LCORL: variants seen among roughly 807,000 people sequenced by gnomAD.
The protein encoded by LCORL is ligand-dependent nuclear receptor corepressor-like protein.
In LCORL, 41 loss-of-function variants were observed where a neutral mutation model predicts 141.8. The ratio of observed to expected loss-of-function variants is 0.29; its 90% confidence interval spans 0.23 to 0.38. The LOEUF (loss-of-function observed/expected upper bound fraction) is 0.38, where lower values mean the gene tolerates loss of function less well. LCORL is among the 10% of genes least tolerant of loss of function. The pLI is 1.00. For missense variants in LCORL, 1,759 were observed against 2,035.0 expected, an observed-to-expected ratio of 0.86 and a Z score of 2.61; for synonymous variants, 618 against 694.1, an observed-to-expected ratio of 0.89 and a Z score of 1.72.
chr4:17,894,115 G>T (rs1010432649), intron 5 of LCORL, among the ~76,000 whole-genome samples: 3 of 151,962 alleles, frequency 2.0e-5, no homozygotes, highest in Non-Finnish European at 2.9e-5. Context: ...TCTAATTTAG[G>T]GCAGCACTTT....
chr4:18,019,884 C>T (rs191355937), intron 1 of LCORL, among the ~76,000 whole-genome samples: 35 of 152,270 alleles, frequency 2.3e-4, no homozygotes, highest in Non-Finnish European at 4.1e-4. Flanking sequence ...TCAAAAACAG[C>T]CCATTTTGTA....
At chr4:17,947,738 T>C (rs1424419537) in intron 4 of LCORL, among the ~76,000 whole-genome samples, 5 of 151,986 alleles carry the variant, frequency 3.3e-5, no homozygotes. Context: ...AACTCCAGTA[T>C]CACCATCTGT....
intron 4 of LCORL, among the ~76,000 whole-genome samples, chr4:17,950,327 A>G (rs1420543716): frequency 6.6e-6 from 1 of 152,182 alleles, no homozygotes; most frequent in Non-Finnish European, 1.5e-5. Flanking sequence ...ATGCTTATGT[A>G]TATCTCTTTC....
chr4:18,000,176 C>G lies in LCORL; in HGVS notation c.154+21422G>C, dbSNP rs1156906423. Among the ~76,000 whole-genome samples the G allele has an allele frequency of 3.7e-5, 5 of 135,884 alleles. No individual in the cohort carries two copies. In the South Asian group the frequency reaches 6.9e-4, roughly 19 times the overall value. The allele number at this position is 135,884 out of a possible 152,430, so 89.1% of individuals were successfully genotyped here. On this transcript the variant is annotated intron_variant, in intron 1 of 7. Coordinates refer to ENST00000635767, the Ensembl canonical transcript of LCORL. ...AGAGTGAATGTATTAAAAATTCATT[C>G]ACTCAACAAATATTTATGTATTTGG...
At chr4:17,877,102 T>A (rs1029818230) in exon 7 of LCORL, 1 of 1,230,770 alleles carries the variant, frequency 8.1e-7, no homozygotes, top group South Asian at 4.1e-5. Flanking sequence ...TCTCTTTTTA[T>A]CTGTAAAGAC....
At chr4:18,010,880 C>T (rs1235375781) in intron 1 of LCORL, among the ~76,000 whole-genome samples, 1 of 152,186 alleles carries the variant, frequency 6.6e-6, no homozygotes, top group African/African-American at 2.4e-5. Context: ...ATGATTGTTA[C>T]AATACCTTTC....
At chr4:17,864,512 T>G (rs901927065) in intron 7 of LCORL, among the ~76,000 whole-genome samples, 3 of 152,176 alleles carry the variant, frequency 2.0e-5, no homozygotes, top group Non-Finnish European at 4.4e-5. Context: ...AGCAACCACT[T>G]TTTAAAAAGC....
chr4:17,909,462 A>C (rs1471080277), intron 4 of LCORL, 117 bp from the exon 5 acceptor site: 1 of 606,748 alleles, frequency 1.6e-6, no homozygotes, highest in African/African-American at 1.9e-5. Flanking sequence ...TCAGTCCATA[A>C]CTCCCAATGT....
At chr4:17,870,363 G>A (rs1726199937) in intron 7 of LCORL, among the ~76,000 whole-genome samples, 1 of 152,118 alleles carries the variant, frequency 6.6e-6, no homozygotes, top group Admixed American at 6.6e-5. Flanking sequence ...GTTTGCAACT[G>A]CCTGAAAACA....
chr4:17,887,037 T>A (rs1036283588), intron 5 of LCORL, among the ~76,000 whole-genome samples: 1 of 152,074 alleles, frequency 6.6e-6, no homozygotes, highest in East Asian at 1.9e-4. Context: ...CTAATTCAAC[T>A]GGGCTTAAAA....
At chr4:17,951,620 A>T (rs1473931663) in intron 4 of LCORL, among the ~76,000 whole-genome samples, 1 of 152,158 alleles carries the variant, frequency 6.6e-6, no homozygotes, top group Non-Finnish European at 1.5e-5. Flanking sequence ...TCTCCATGGC[A>T]TTTATCTATA....
In LCORL at chr4:17,970,137, T is replaced by C. The variant is rs761829558; in HGVS notation, c.220+2683A>G. Reference sequence around the variant, plus strand: ...TCCTTAGAGATACTTTGTGTCTCAATAGAATGGAAAGTACCATAGTACGGT... The same window carrying C: ...TCCTTAGAGATACTTTGTGTCTCAACAGAATGGAAAGTACCATAGTACGGT... On this transcript the variant is annotated intron_variant, in intron 2 of 7. Coordinates refer to ENST00000635767, the Ensembl canonical transcript of LCORL. Among the ~76,000 whole-genome samples the C allele has an allele frequency of 3.9e-5, 6 of 152,266 alleles. No homozygotes were observed. The East Asian group carries it at 5.8e-4, about 15-fold the overall frequency.
chr4:17,911,727 C>T (rs1009032191), intron 4 of LCORL: 8 of 478,590 alleles, frequency 1.7e-5, no homozygotes, highest in East Asian at 1.1e-4. Context: ...TCCTGGACTC[C>T]GTCCAAGCGC....
exon 8 of LCORL, chr4:17,842,959 A>AT (rs1294282168): frequency 5.9e-6 from 1 of 169,748 alleles, no homozygotes; most frequent in Non-Finnish European, 1.3e-5. Flanking sequence ...AGAGAACTTA[A>AT]TTTTTTTGTC....
chr4:18,015,491 CAT>C (rs1724494195), intron 1 of LCORL, among the ~76,000 whole-genome samples: 1 of 152,160 alleles, frequency 6.6e-6, no homozygotes, highest in East Asian at 1.9e-4. Flanking sequence ...AGACTTGATA[CAT>C]GTCTTAACCA....
intron 1 of LCORL, among the ~76,000 whole-genome samples, chr4:17,980,849 T>C (rs1577624196): frequency 6.6e-6 from 1 of 152,128 alleles, no homozygotes; most frequent in African/African-American, 2.4e-5. Flanking sequence ...TTATCAACTG[T>C]ACTTGTGAGG....
intron 5 of LCORL, among the ~76,000 whole-genome samples, chr4:17,906,875 C>T (rs959685484): frequency 3.3e-5 from 5 of 151,898 alleles, no homozygotes; most frequent in East Asian, 1.9e-4. Flanking sequence ...TTAGTAGAGA[C>T]GGGGTTTCAC....
chr4:18,012,762 A>G (rs1462925168), intron 1 of LCORL, among the ~76,000 whole-genome samples: 1 of 152,156 alleles, frequency 6.6e-6, no homozygotes, highest in Non-Finnish European at 1.5e-5. Flanking sequence ...TTGCCTCAGT[A>G]TTTTGTTACT....
At chr4:17,914,534 C>G (rs1733083576) in intron 4 of LCORL, among the ~76,000 whole-genome samples, 1 of 152,132 alleles carries the variant, frequency 6.6e-6, no homozygotes, top group Non-Finnish European at 1.5e-5. Context: ...GACCAAAGGA[C>G]CTGGCAAAAG....
Sources: gnomAD v4.1 joint callset for allele counts (sites outside exome capture counted in the v4.1 genomes callset) on GRCh38, gnomAD v4.1.1 for gene constraint, MANE v1.5 for transcripts, NCBI Gene and HGNC (gene_info 2026-07-23, HGNC 2026-07-21) for gene names.